Variants in MRPL13 observed in about 807,000 individuals in gnomAD.
MRPL13 encodes the protein mitochondrial ribosomal protein L13, also known as large ribosomal subunit protein uL13m.
MRPL13 carries 33 observed loss-of-function variants against 29.0 expected under a neutral mutation model. The ratio of observed to expected loss-of-function variants is 1.14; its 90% CI spans 0.86 to 1.52. The LOEUF is 1.52. Ranked by LOEUF, MRPL13 falls within the 40% of genes most tolerant of loss-of-function variation. The pLI, the probability that MRPL13 is intolerant of heterozygous loss-of-function variation, is 0.00. For missense variants in MRPL13, 227 were observed against 216.7 expected, an observed-to-expected ratio of 1.05 and a Z score of -0.30; for synonymous variants, 77 against 68.4, an observed-to-expected ratio of 1.13 and a Z score of -0.62.
chr8:120,406,267 G>GTA (rs1487789365), intron 6 of MRPL13, among the ~76,000 whole-genome samples: 1 of 152,034 alleles, frequency 6.6e-6, no homozygotes, highest in Non-Finnish European at 1.5e-5. Context: ...ATCCAAAATT[G>GTA]TATATATTAG....
chr8:120,408,278 T>C (rs951995395), intron 6 of MRPL13, among the ~76,000 whole-genome samples: 2 of 152,234 alleles, frequency 1.3e-5, no homozygotes, highest in Non-Finnish European at 2.9e-5. Context: ...TTTTTTCAAT[T>C]AAAATGAACA....
In MRPL13 at chr8:120,443,282, C is replaced by T. The variant is rs1813145449; in HGVS notation, c.54G>A (p.Trp18Ter). 6.3e-7 allele frequency: 1 copy of T among 1,587,306 alleles called. No homozygotes were observed. Among genetic ancestry groups the T allele is most frequent in the Non-Finnish European group, 8.5e-7 (1 of 1,170,202 alleles). Residue 18 changes from tryptophan to a stop codon, truncating the protein, a stop_gained, in exon 2 of 7, where the codon TGG (tryptophan) becomes TGA (stop). Coordinates refer to ENST00000306185, the MANE Select transcript of MRPL13 (RefSeq NM_014078.6). LOFTEE classifies it high-confidence loss of function. ...GCTGCATTTTCCCATCTAAGAGATA[C>T]CATATTCTAGCAAAAGTGGCCCATT... The part of the protein sequence containing the change: ...PQQWATFARI[W>*]YLLDGKMQPP...
At chr8:120,416,341 A>T (rs975496492) in intron 5 of MRPL13, among the ~76,000 whole-genome samples, 11 of 152,036 alleles carry the variant, frequency 7.2e-5, no homozygotes, top group African/African-American at 2.4e-4. Flanking sequence ...AAAAATACAA[A>T]AAATTAGCCG....
chr8:120,404,999 G>A (rs1197331602), intron 6 of MRPL13, among the ~76,000 whole-genome samples: 1 of 152,168 alleles, frequency 6.6e-6, no homozygotes, highest in Non-Finnish European at 1.5e-5. Context: ...ACAGAGTACA[G>A]TGACCCCCTT....
chr8:120,444,236 G>A (rs1361064963), intron 1 of MRPL13, among the ~76,000 whole-genome samples: 14 of 152,108 alleles, frequency 9.2e-5, no homozygotes, highest in Admixed American at 7.9e-4. Flanking sequence ...TTTACTTCCT[G>A]TATTTATCTC....
intron 6 of MRPL13, among the ~76,000 whole-genome samples, chr8:120,403,235 C>CATGGA (rs1812623036): frequency 6.6e-6 from 1 of 152,120 alleles, no homozygotes; most frequent in African/African-American, 2.4e-5. Flanking sequence ...ATAGCAAAGA[C>CATGGA]ATGGAATCAA....
intron 4 of MRPL13, among the ~76,000 whole-genome samples, chr8:120,422,265 T>C (rs1812881651): frequency 6.6e-6 from 1 of 151,720 alleles, no homozygotes; most frequent in African/African-American, 2.4e-5. Flanking sequence ...ATGATATTTT[T>C]AGGTCTAGCA....
chr8:120,400,105 G>A (rs1486530338), intron 6 of MRPL13, among the ~76,000 whole-genome samples: 1 of 152,054 alleles, frequency 6.6e-6, no homozygotes, highest in Non-Finnish European at 1.5e-5. Context: ...AGATATTCAG[G>A]ACCTGAACTC....
chr8:120,438,918 C>T (rs536046007), intron 2 of MRPL13, among the ~76,000 whole-genome samples: 1 of 152,092 alleles, frequency 6.6e-6, no homozygotes, highest in East Asian at 1.9e-4. Context: ...TTCTGGTCTG[C>T]CAAAAAATAT....
chr8:120,433,528 A>G lies in MRPL13; in HGVS notation c.152-1405T>C, dbSNP rs139578973. ...TAAAGCATCTCGAGCCACTCAAAAAATATCTACAGAGAGCAAAAAAGATCT... is the reference window on the plus strand; with the variant it reads ...TAAAGCATCTCGAGCCACTCAAAAAGTATCTACAGAGAGCAAAAAAGATCT... On this transcript the variant is annotated intron_variant, in intron 2 of 6. Coordinates refer to ENST00000306185, the MANE Select transcript of MRPL13 (RefSeq NM_014078.6). 4.1e-3 allele frequency among the ~76,000 whole-genome samples: 619 copies of G among 152,244 alleles called. 5 individuals carry two copies. Among genetic ancestry groups the G allele is most frequent in the African/African-American group, 0.014 (592 of 41,550 alleles).
intron 2 of MRPL13, among the ~76,000 whole-genome samples, chr8:120,436,411 C>T (rs1235687828): frequency 6.6e-6 from 1 of 152,096 alleles, no homozygotes; most frequent in African/African-American, 2.4e-5. Flanking sequence ...TTTTAATTTG[C>T]ATTTCCCTAA....
At chr8:120,413,750 A>G (rs1299076050) in intron 6 of MRPL13, among the ~76,000 whole-genome samples, 1 of 152,166 alleles carries the variant, frequency 6.6e-6, no homozygotes, top group Non-Finnish European at 1.5e-5. Context: ...CAAACAAAAT[A>G]CTTGATAATT....
chr8:120,396,550 T>C (rs1812526755), intron 6 of MRPL13, among the ~76,000 whole-genome samples: 1 of 152,192 alleles, frequency 6.6e-6, no homozygotes, highest in South Asian at 2.1e-4. Context: ...TATTATCATA[T>C]GCTAAATTTA....
intron 6 of MRPL13, among the ~76,000 whole-genome samples, chr8:120,400,353 G>A (rs1053171724): frequency 2.0e-5 from 3 of 152,092 alleles, no homozygotes; most frequent in Admixed American, 6.6e-5. Flanking sequence ...TATGGAAACC[G>A]AACAATCTGC....
At chr8:120,427,720 G>A (rs748642759) in intron 3 of MRPL13, among the ~76,000 whole-genome samples, 1 of 151,998 alleles carries the variant, frequency 6.6e-6, no homozygotes, top group Non-Finnish European at 1.5e-5. Flanking sequence ...TCCCAGTACT[G>A]TGGAAGGCTG....
intron 4 of MRPL13, among the ~76,000 whole-genome samples, chr8:120,422,321 T>C (rs866735160): frequency 2.8e-4 from 43 of 151,712 alleles, no homozygotes; most frequent in African/African-American, 9.4e-4. Flanking sequence ...TAAAATAGTC[T>C]CTAATAGGAA....
chr8:120,442,724 A>T (rs1256618196), intron 2 of MRPL13, among the ~76,000 whole-genome samples: 1 of 152,184 alleles, frequency 6.6e-6, no homozygotes, highest in Admixed American at 6.5e-5. Context: ...AAGGATACAG[A>T]AAAGCAAGTC....
intron 2 of MRPL13, among the ~76,000 whole-genome samples, chr8:120,434,268 A>ACCC (rs1813028132): frequency 1.3e-5 from 2 of 152,070 alleles, no homozygotes; most frequent in African/African-American, 4.8e-5. Flanking sequence ...GCCTGGGAGG[A>ACCC]AAGGAAGTAA....
At chr8:120,444,853 A>G in intron 1 of MRPL13, 6 of 359,310 alleles carry the variant, frequency 1.7e-5, no homozygotes, top group Middle Eastern at 6.7e-4. Flanking sequence ...GAAAGACATG[A>G]AAAGGGCAGA....
Sources: gnomAD v4.1 joint callset for allele counts (sites outside exome capture counted in the v4.1 genomes callset) on GRCh38, gnomAD v4.1.1 for gene constraint, MANE v1.5 for transcripts, NCBI Gene and HGNC (gene_info 2026-07-23, HGNC 2026-07-21) for gene names.